The following FGF1 variants were observed in gnomAD, a reference collection of about 807,000 sequenced individuals.
FGF1 encodes the protein beta-endothelial cell growth factor.
Under a neutral mutation model 13.4 loss-of-function variants are expected in FGF1, and 9 were observed. The ratio of observed to expected loss-of-function variants is 0.67; its 90% confidence interval spans 0.40 to 1.17. The LOEUF is 1.17. Among genes scored for constraint, FGF1 ranks in the 50% most tolerant of loss-of-function variants. The pLI is 0.01. For synonymous variants in FGF1, 93 were observed against 79.0 expected, an observed-to-expected ratio of 1.18 and a Z score of -0.94; for missense variants, 156 against 192.7, an observed-to-expected ratio of 0.81 and a Z score of 1.13.
chr5:142,619,812 A>G, intron 1 of FGF1, among the ~76,000 whole-genome samples: 1 of 151,852 alleles, frequency 6.6e-6, no homozygotes, highest in South Asian at 2.1e-4. Context: ...CAGCCTGAGC[A>G]ACAACAGCGA....
chr5:142,626,573 G>GC (rs927656741), intron 1 of FGF1, among the ~76,000 whole-genome samples: 2 of 152,098 alleles, frequency 1.3e-5, no homozygotes, highest in Non-Finnish European at 2.9e-5. Context: ...TACTCTACCA[G>GC]CCCCCGGAAC....
intron 3 of FGF1, among the ~76,000 whole-genome samples, chr5:142,597,794 A>C (rs1755619973): frequency 6.6e-6 from 1 of 152,190 alleles, no homozygotes; most frequent in Non-Finnish European, 1.5e-5. Context: ...GTGAGGAAGG[A>C]GATGGAATCT....
chr5:142,605,236 A>G (rs1274122473), intron 2 of FGF1, among the ~76,000 whole-genome samples: 1 of 149,710 alleles, frequency 6.7e-6, no homozygotes, highest in African/African-American at 2.5e-5. Context: ...CTTCCCAGGT[A>G]GCTGGGATTA....
intron 1 of FGF1, among the ~76,000 whole-genome samples, chr5:142,651,018 G>C (rs1424726656): frequency 1.3e-5 from 2 of 152,130 alleles, no homozygotes; most frequent in African/African-American, 2.4e-5. Context: ...TGTGTTAATG[G>C]GAGGGTGGTG....
upstream of FGF1, among the ~76,000 whole-genome samples, chr5:142,687,115 G>A (rs919402291): frequency 2.0e-4 from 18 of 89,220 alleles, no homozygotes. Flanking sequence ...GAAGGCATGA[G>A]TGTGTGTGTG....
chr5:142,596,847 A>G (rs1260576031), intron 3 of FGF1, among the ~76,000 whole-genome samples: 1 of 152,218 alleles, frequency 6.6e-6, no homozygotes, highest in African/African-American at 2.4e-5. Context: ...CCACCCAGAT[A>G]TAGGCAACTG....
chr5:142,630,819 A>C (rs1763257829), intron 1 of FGF1, among the ~76,000 whole-genome samples: 2 of 152,174 alleles, frequency 1.3e-5, no homozygotes, highest in South Asian at 4.1e-4. Context: ...TCCCCAGCTA[A>C]GGTAAGTTCC....
intron 1 of FGF1, among the ~76,000 whole-genome samples, chr5:142,637,211 C>A (rs1437155306): frequency 6.6e-6 from 1 of 151,932 alleles, no homozygotes; most frequent in Non-Finnish European, 1.5e-5. Flanking sequence ...TTTTAAAATC[C>A]CAACACCAAA....
At chr5:142,602,781 C>T (rs1337567737) in intron 2 of FGF1, among the ~76,000 whole-genome samples, 2 of 151,992 alleles carry the variant, frequency 1.3e-5, no homozygotes, top group Admixed American at 1.3e-4. Context: ...GAGTAAACTT[C>T]TTTCTTCTTG....
Position 142,600,750 on chromosome 5 carries a change from C to T in FGF1, c.225G>A (p.Glu75=). 1 of 1,614,026 alleles carries T rather than the reference C, an allele frequency of 6.2e-7. No homozygotes were observed. Among genetic ancestry groups the T allele is most frequent in the Non-Finnish European group, 8.5e-7 (1 of 1,179,896 alleles). ...SVGEVYIKST[E]TGQYLAMDTD... ...TGTCCATGGCCAAGTACTGGCCAGT[C>T]TCGGTACTCTTTATATACACCTCCC... The change falls in exon 3 of 4, where the codon GAG becomes GAA. Residue 75 remains glutamate, a synonymous_variant. Transcript: ENST00000337706.
At chr5:142,648,334 AG>A (rs1199595149) in intron 1 of FGF1, among the ~76,000 whole-genome samples, 2 of 152,216 alleles carry the variant, frequency 1.3e-5, no homozygotes, top group Admixed American at 6.5e-5. Flanking sequence ...GCCATAAAAA[AG>A]GATGAGTTCA....
intron 2 of FGF1, among the ~76,000 whole-genome samples, chr5:142,608,499 T>A (rs1204579299): frequency 6.3e-5 from 9 of 143,624 alleles, no homozygotes; most frequent in African/African-American, 7.6e-5. Flanking sequence ...TGGTAAAAAA[T>A]ATATATATAT....
intron 1 of FGF1, among the ~76,000 whole-genome samples, chr5:142,629,685 A>G (rs1437764772): frequency 6.6e-6 from 1 of 151,978 alleles, no homozygotes; most frequent in Admixed American, 6.6e-5. Context: ...GTATATGCAC[A>G]CTAATGTAAA....
At chr5:142,611,621 A>C (rs2151864077) in intron 2 of FGF1, among the ~76,000 whole-genome samples, 1 of 152,344 alleles carries the variant, frequency 6.6e-6, no homozygotes, top group East Asian at 1.9e-4. Flanking sequence ...CTGACTCTTC[A>C]GTGGAATATC....
At chr5:142,666,157 C>A (rs13179992) in intron 1 of FGF1, among the ~76,000 whole-genome samples, 106,392 of 106,392 alleles carry the variant, frequency 1, 53,196 homozygotes, top group Non-Finnish European at 1. Flanking sequence ...CCAGTGCTCA[C>A]CCTTAAGGTC....
At chr5:142,659,954 G>T (rs1768906379) in intron 1 of FGF1, among the ~76,000 whole-genome samples, 1 of 152,176 alleles carries the variant, frequency 6.6e-6, no homozygotes, top group Non-Finnish European at 1.5e-5. Flanking sequence ...GCCTCTGAAA[G>T]TGGCCACTGC....
At chr5:142,678,808 G>A (rs768151135) in intron 1 of FGF1, among the ~76,000 whole-genome samples, 1 of 152,170 alleles carries the variant, frequency 6.6e-6, no homozygotes, top group Middle Eastern at 3.2e-3. Flanking sequence ...AGCCTGGCCC[G>A]GCTGCCTAGC....
At position 142,614,148 on chromosome 5, in the gene FGF1, T is replaced by C; in HGVS notation, c.-21A>G. 6.2e-7 allele frequency: 1 copy of C among 1,613,830 alleles called. No individual in the cohort carries two copies. ...GCCATGGCTCAGCAGCTGCTGCTTG[T>C]GGCGCTTTCAAGACTGTAAGAAATT... On this transcript the variant is annotated 5_prime_UTR_variant, in exon 2 of 4. Coordinates refer to ENST00000337706, the MANE Select transcript of FGF1 (RefSeq NM_000800.5).
chr5:142,635,458 C>T (rs1764096438), intron 1 of FGF1, among the ~76,000 whole-genome samples: 1 of 151,778 alleles, frequency 6.6e-6, no homozygotes, highest in South Asian at 2.1e-4. Flanking sequence ...ATAGAATATG[C>T]CCCCCCGCCC....
Sources: gnomAD v4.1 joint callset for allele counts (sites outside exome capture counted in the v4.1 genomes callset) on GRCh38, gnomAD v4.1.1 for gene constraint, MANE v1.5 for transcripts, NCBI Gene and HGNC (gene_info 2026-07-23, HGNC 2026-07-21) for gene names.